TPD52L1: variants seen among roughly 807,000 people sequenced by gnomAD.
TPD52L1 encodes the protein tumor protein D53.
A neutral mutation model predicts 28.7 loss-of-function variants in TPD52L1; 18 were observed. The ratio of observed to expected loss-of-function variants is 0.63; its 90% confidence interval spans 0.43 to 0.93. The LOEUF (loss-of-function observed/expected upper bound fraction) is 0.93, where lower values mean the gene tolerates loss of function less well. TPD52L1 is among the 40% of genes least tolerant of loss of function. The probability of loss-of-function intolerance (pLI) is 0.00; values close to 1 mark genes in which losing one functional copy is unlikely to be tolerated. For synonymous variants in TPD52L1, 75 were observed against 88.8 expected (o/e 0.84, Z 0.88); for missense variants, 203 against 254.8 (o/e 0.80, Z 1.39).
intron 1 of TPD52L1, among the ~76,000 whole-genome samples, chr6:125,172,537 T>TATATATATATTATATATATATA (rs1562214490): frequency 2.3e-4 from 20 of 88,866 alleles, no homozygotes; most frequent in Non-Finnish European, 3.7e-4. Context: ...TATATATATA[T>TATATATATATTATATATATATA]ATATATATAT....
intron 1 of TPD52L1, among the ~76,000 whole-genome samples, chr6:125,172,535 T>TATATATATAATATATATATATATA (rs1791514591): frequency 2.0e-5 from 2 of 98,116 alleles, no homozygotes; most frequent in African/African-American, 9.0e-5. Flanking sequence ...TATATATATA[T>TATATATATAATATATATATATATA]ATATATATAT....
chr6:125,178,554 G>A (rs941040064), intron 1 of TPD52L1, among the ~76,000 whole-genome samples: 1 of 152,148 alleles, frequency 6.6e-6, no homozygotes, highest in African/African-American at 2.4e-5. Flanking sequence ...CCGGGAAGTG[G>A]AGGTTGTGGT....
chr6:125,215,929 C>G (rs73577781), intron 1 of TPD52L1, among the ~76,000 whole-genome samples: 2,394 of 152,252 alleles, frequency 0.016, 21 homozygotes, highest in African/African-American at 0.028. Context: ...AATTTGGGTT[C>G]CAGCTAAGTT....
chr6:125,162,139 A>G (rs1790558376), intron 1 of TPD52L1, among the ~76,000 whole-genome samples: 1 of 152,236 alleles, frequency 6.6e-6, no homozygotes. Context: ...TATTAAGACT[A>G]TTCATACAAT....
intron 6 of TPD52L1, among the ~76,000 whole-genome samples, chr6:125,260,614 G>T (rs889130570): frequency 6.6e-6 from 1 of 152,004 alleles, no homozygotes; most frequent in African/African-American, 2.4e-5. Context: ...AGACCAGCCT[G>T]GCCAACGTGT....
chr6:125,198,375 C>A (rs1043042979), intron 1 of TPD52L1, among the ~76,000 whole-genome samples: 7 of 152,280 alleles, frequency 4.6e-5, no homozygotes, highest in African/African-American at 1.4e-4. Flanking sequence ...AAAGTCCTTT[C>A]CTTCATTGTC....
chr6:125,210,247 C>T (rs1407496725), intron 1 of TPD52L1, among the ~76,000 whole-genome samples: 1 of 152,098 alleles, frequency 6.6e-6, no homozygotes, highest in African/African-American at 2.4e-5. Flanking sequence ...AATGAATGAA[C>T]AAATGAACTC....
chr6:125,258,065 C>T (rs77221339), intron 6 of TPD52L1, among the ~76,000 whole-genome samples: 294 of 152,302 alleles, frequency 1.9e-3, no homozygotes, highest in African/African-American at 6.6e-3. Flanking sequence ...GCTGCTCTCA[C>T]GTGTGCTGCC....
At chr6:125,165,603 A>G (rs1261433934) in intron 1 of TPD52L1, among the ~76,000 whole-genome samples, 2 of 152,206 alleles carry the variant, frequency 1.3e-5, no homozygotes, top group Admixed American at 1.3e-4. Context: ...GTTACACCTC[A>G]TCTCCAAACT....
intron 5 of TPD52L1, among the ~76,000 whole-genome samples, chr6:125,254,772 T>TTTGTACATCTGATTAAATCTTATTAAAG (rs1178804375): frequency 1.3e-5 from 2 of 152,228 alleles, no homozygotes; most frequent in African/African-American, 4.8e-5. Context: ...GCTAAAAAAG[T>TTTGTACATCTGATTAAATCTTATTAAAG]TTGTACATCT....
intron 1 of TPD52L1, among the ~76,000 whole-genome samples, chr6:125,172,162 TTTC>T (rs1242849179): frequency 0.026 from 1,247 of 47,360 alleles, 2 homozygotes; most frequent in South Asian, 0.041. Context: ...CTTTCTTTTC[TTTC>T]TTTCTTTCTT....
At chr6:125,240,516 T>G (rs1237559455) in intron 3 of TPD52L1, among the ~76,000 whole-genome samples, 1 of 152,214 alleles carries the variant, frequency 6.6e-6, no homozygotes, top group South Asian at 2.1e-4. Flanking sequence ...TTTGTCATTT[T>G]CCTTGCAGGT....
intron 1 of TPD52L1, among the ~76,000 whole-genome samples, chr6:125,156,263 G>A (rs1326435792): frequency 6.6e-6 from 1 of 151,920 alleles, no homozygotes; most frequent in Non-Finnish European, 1.5e-5. Context: ...CCAGGAGTTC[G>A]AGACCAGCCT....
chr6:125,178,658 AAT>A (rs766185303), intron 1 of TPD52L1, among the ~76,000 whole-genome samples: 32 of 147,960 alleles, frequency 2.2e-4, no homozygotes, highest in East Asian at 4.0e-4. Flanking sequence ...AACAAAACAA[AAT>A]ATATATATAT....
At chr6:125,206,392 T>C (rs1439262629) in intron 1 of TPD52L1, among the ~76,000 whole-genome samples, 2 of 152,164 alleles carry the variant, frequency 1.3e-5, no homozygotes, top group Non-Finnish European at 2.9e-5. Flanking sequence ...ATATTTTGTA[T>C]ATATATAATG....
At chr6:125,262,779 A>G (rs1284209922) in intron 6 of TPD52L1, 55 bp from the exon 7 acceptor site, 4 of 1,550,862 alleles carry the variant, frequency 2.6e-6, no homozygotes, top group Non-Finnish European at 1.7e-6. Context: ...TTATAAAAAC[A>G]TTACAAAAAT....
chr6:125,217,195 T>C (rs948315084), intron 1 of TPD52L1, among the ~76,000 whole-genome samples: 2 of 152,170 alleles, frequency 1.3e-5, no homozygotes, highest in Admixed American at 6.5e-5. Context: ...CAGGAACTGG[T>C]TTCGTGGAAG....
chr6:125,203,236 G>C (rs1793905552), intron 1 of TPD52L1, among the ~76,000 whole-genome samples: 1 of 152,116 alleles, frequency 6.6e-6, no homozygotes, highest in Non-Finnish European at 1.5e-5. Context: ...TACACTATGG[G>C]AGTTTGTTCA....
chr6:125,218,909 GA>G lies in TPD52L1; in HGVS notation c.20-1162del, dbSNP rs528474303. 7.6e-4 allele frequency among the ~76,000 whole-genome samples: 116 copies of G among 152,188 alleles called. 1 individual carries two copies. The highest frequency in any genetic ancestry group is 3.4e-3 in the Middle Eastern group (1 of 294). ...AAAATGGAATTTATTGGGTGAAAAG[GA>G]AAAAAACTCAGCAAAGCAAGAGAGC... On this transcript the variant is annotated intron_variant, in intron 1 of 6. Transcript: ENST00000534000.
Sources: allele counts gnomAD v4.1 joint callset (sites outside exome capture counted in the v4.1 genomes callset), GRCh38; gene constraint gnomAD v4.1.1; transcripts MANE v1.5; gene names NCBI Gene and HGNC (gene_info 2026-07-23, HGNC 2026-07-21).